Variants in ITIH5 observed in about 807,000 individuals in gnomAD.
ITIH5 encodes the protein inter-alpha-trypsin inhibitor heavy chain 5, also known as inter-alpha-trypsin inhibitor heavy chain H5.
ITIH5 carries 65 observed loss-of-function variants against 77.5 expected under a neutral mutation model. That is an observed-to-expected ratio of 0.84 (90% confidence interval 0.69 to 1.03). The LOEUF (loss-of-function observed/expected upper bound fraction) is 1.03, where lower values mean the gene tolerates loss of function less well. Among genes scored for constraint, ITIH5 ranks in the 50% least tolerant of loss-of-function variants. The pLI, the probability that ITIH5 is intolerant of heterozygous loss-of-function variation, is 0.00. For missense variants in ITIH5, 1,208 were observed against 1,213.1 expected, an observed-to-expected ratio of 1.00 and a Z score of 0.06; for synonymous variants, 525 against 494.3, an observed-to-expected ratio of 1.06 and a Z score of -0.82.
chr10:7,619,643 G>C (rs1432248174), intron 5 of ITIH5: 3 of 356,700 alleles, frequency 8.4e-6, no homozygotes, highest in Admixed American at 2.9e-5. Context: ...AACGCAAAGC[G>C]AACACGTCTA....
chr10:7,597,576 AGAGACACC>A (rs879682784), intron 7 of ITIH5, among the ~76,000 whole-genome samples: 24 of 136,580 alleles, frequency 1.8e-4, no homozygotes, highest in South Asian at 2.5e-4. Flanking sequence ...TCTGTACCCC[AGAGACACC>A]CGTACACAGC....
chr10:7,581,132 T>C (rs1434709354), intron 8 of ITIH5, among the ~76,000 whole-genome samples: 1 of 152,106 alleles, frequency 6.6e-6, no homozygotes, highest in Non-Finnish European at 1.5e-5. Context: ...TGGTGGTACA[T>C]GCCTGTAATC....
At position 7,561,035 on chromosome 10, in the gene ITIH5, C is replaced by T. The variant is rs1383220674; in HGVS notation, c.*2048G>A. ...GGGGTTTCGGGCTTTCAGGTACTGA[C>T]CCCATTTGAAAAAAAAAAAAAAGAT... On this transcript the variant is annotated 3_prime_UTR_variant, in exon 14 of 14. Transcript: ENST00000397146. 1.5e-4 allele frequency: 3 copies of T among 20,220 alleles called. No individual in the cohort carries two copies. Among genetic ancestry groups the T allele is most frequent in the African/African-American group, 5.2e-4 (3 of 5,720 alleles). The allele number at this position is 20,220 out of a possible 1,614,324, so 1.3% of individuals were successfully genotyped here.
chr10:7,655,493 T>C (rs1834166028), intron 2 of ITIH5, 138 bp downstream of exon 2: 3 of 649,038 alleles, frequency 4.6e-6, no homozygotes, highest in African/African-American at 3.6e-5. Flanking sequence ...AAGACTCAAC[T>C]ATGCTGTTTC....
intron 8 of ITIH5, among the ~76,000 whole-genome samples, chr10:7,582,404 C>T (rs533751187): frequency 9.2e-5 from 14 of 152,162 alleles, no homozygotes; most frequent in African/African-American, 3.4e-4. Flanking sequence ...AACATCCCAC[C>T]ATTACCAAGT....
intron 5 of ITIH5, among the ~76,000 whole-genome samples, chr10:7,625,045 G>C (rs1050987209): frequency 2.0e-5 from 3 of 151,556 alleles, no homozygotes; most frequent in Non-Finnish European, 4.4e-5. Flanking sequence ...AGGAATATGA[G>C]ATTGAGAGAC....
rs184860797 is a variant in ITIH5 at position 7,654,027 on chromosome 10, C to A, written c.135+1604G>T. On this transcript the variant is annotated intron_variant, in intron 2 of 13. Transcript: ENST00000397146. ...GAAAAATTAGCCAAGTGTGGTGGTG[C>A]ATGCCTGTAATCCCAGCTACTCAGG... 2.5e-3 allele frequency among the ~76,000 whole-genome samples: 382 copies of A among 152,256 alleles called. 2 individuals carry two copies. Among genetic ancestry groups the A allele is most frequent in the Middle Eastern group, 0.01 (3 of 294 alleles).
rs34386089 is a variant in ITIH5, at chr10:7,581,870, A to ATT, written c.1109-1808_1109-1807dup. Among the ~76,000 whole-genome samples the ATT allele has an allele frequency of 5.6e-3, 456 of 81,408 alleles. 16 individuals carry two copies. The highest frequency in any genetic ancestry group is 0.017 in the African/African-American group (331 of 19,898). The allele number at this position is 81,408 out of a possible 152,430, so 53.4% of individuals were successfully genotyped here. ...AGCCACCATGCCCGGCCACCCATGT[A>ATT]TTTTTTTTTTTTTTTTTTTTTTTGA... On this transcript the variant is annotated intron_variant, in intron 8 of 13. Coordinates refer to ENST00000397146, the MANE Select transcript of ITIH5 (RefSeq NM_030569.7).
intron 5 of ITIH5, among the ~76,000 whole-genome samples, chr10:7,628,123 G>C (rs1833616748): frequency 6.6e-6 from 1 of 152,082 alleles, no homozygotes; most frequent in East Asian, 1.9e-4. Flanking sequence ...TTACAGACCT[G>C]AGCCACCATG....
intron 2 of ITIH5, among the ~76,000 whole-genome samples, chr10:7,651,793 A>G (rs958326199): frequency 3.3e-5 from 5 of 151,944 alleles, no homozygotes; most frequent in Admixed American, 2.6e-4. Context: ...TGAAAACCCC[A>G]ATGCAGGCTC....
intron 8 of ITIH5, among the ~76,000 whole-genome samples, chr10:7,583,823 C>A (rs1004834921): frequency 1.3e-5 from 2 of 152,188 alleles, no homozygotes; most frequent in Admixed American, 6.5e-5. Flanking sequence ...CCACCAGAGG[C>A]CCTGCAGGGA....
At chr10:7,620,755 G>A (rs1290657498) in intron 5 of ITIH5, 1 of 152,276 alleles carries the variant, frequency 6.6e-6, no homozygotes, top group Non-Finnish European at 1.5e-5. Context: ...GGTGTGTCCA[G>A]AGCAATTCCA....
intron 9 of ITIH5, among the ~76,000 whole-genome samples, chr10:7,579,529 A>G (rs76643718): frequency 3.1e-5 from 4 of 127,582 alleles, no homozygotes; most frequent in Non-Finnish European, 6.1e-5. Context: ...CCATCACAAG[A>G]AAAAAAAAAA....
Position 7,563,020 on chromosome 10 carries a change from G to A in ITIH5, c.*63C>T. 6.9e-7 allele frequency: 1 copy of A among 1,452,254 alleles called. No individual in the cohort carries two copies. The highest frequency in any genetic ancestry group is 1.1e-5 in the South Asian group (1 of 87,046). 90.0% of individuals were successfully genotyped at this position (1,452,254 alleles called of 1,614,324 possible). A position where few individuals can be genotyped will look rare whatever the true frequency, so the allele number is the denominator to read the frequency against. ...GAGGCGTGTACAAGCCATGAAAAGA[G>A]CTGCCCCACGGCCTCCCCACATCAC... is the stretch of plus-strand genomic sequence containing the variant. On this transcript the variant is annotated 3_prime_UTR_variant, in exon 14 of 14. Transcript: ENST00000397146.
chr10:7,641,510 T>C (rs978590016), intron 3 of ITIH5, among the ~76,000 whole-genome samples: 1 of 148,702 alleles, frequency 6.7e-6, no homozygotes, highest in Non-Finnish European at 1.5e-5. Context: ...ACCTGGCCCA[T>C]AAAGGTCATT....
intron 5 of ITIH5, 189 bp from the exon 6 acceptor site, chr10:7,617,471 C>T (rs1833393345): frequency 4.7e-6 from 2 of 421,590 alleles, no homozygotes; most frequent in Non-Finnish European, 8.2e-6. Context: ...CCTCTTATGC[C>T]TCTTTTTGAA....
intron 7 of ITIH5, among the ~76,000 whole-genome samples, chr10:7,589,382 C>A (rs897268740): frequency 2.0e-5 from 3 of 152,144 alleles, no homozygotes; most frequent in Admixed American, 2.0e-4. Context: ...TCACTTGAAC[C>A]CGGGCAGTGG....
At chr10:7,651,507 C>A (rs550281331) in intron 2 of ITIH5, among the ~76,000 whole-genome samples, 15 of 152,120 alleles carry the variant, frequency 9.9e-5, no homozygotes, top group African/African-American at 3.1e-4. Flanking sequence ...GCTCGGGAGA[C>A]TGAGGCGCAA....
chr10:7,642,522 C>T (rs1394276237), intron 2 of ITIH5, among the ~76,000 whole-genome samples: 2 of 152,096 alleles, frequency 1.3e-5, no homozygotes, highest in South Asian at 2.1e-4. Flanking sequence ...ACAAAAATCT[C>T]GTATTTTAAA....
Sources: gnomAD v4.1 joint callset for allele counts (sites outside exome capture counted in the v4.1 genomes callset) on GRCh38, gnomAD v4.1.1 for gene constraint, MANE v1.5 for transcripts, NCBI Gene and HGNC (gene_info 2026-07-23, HGNC 2026-07-21) for gene names.